Variants in NLE1 observed in about 807,000 individuals in gnomAD.
NLE1 encodes notchless homolog 1, also known as notchless protein homolog 1.
NLE1 carries 37 observed loss-of-function variants against 62.8 expected under a neutral mutation model. The observed-to-expected ratio is 0.59, with a 90% CI of 0.45 to 0.78. The LOEUF (loss-of-function observed/expected upper bound fraction) is 0.78, where lower values mean the gene tolerates loss of function less well. Ranked by LOEUF, NLE1 falls within the 30% of genes least tolerant of loss-of-function variation. The pLI is 0.00. For missense variants in NLE1, 555 were observed against 637.9 expected, an observed-to-expected ratio of 0.87 and a Z score of 1.40; for synonymous variants, 243 against 253.0, an observed-to-expected ratio of 0.96 and a Z score of 0.37.
Position 35,133,503 on chromosome 17 carries a change from T to C in NLE1, c.1215-5A>G. ...CCGCGTAGGGAAGCCAGGTACCTGG[T>C]CCAGGAGAAGACGATGATGGATTTT... On this transcript the variant is annotated splice_polypyrimidine_tract_variant and splice_region_variant and intron_variant, in intron 10 of 12. Transcript: ENST00000442241. 6.2e-7 allele frequency: 1 copy of C among 1,608,508 alleles called. No individual in the cohort carries two copies. The highest frequency in any genetic ancestry group is 1.7e-4 in the Middle Eastern group (1 of 6,058).
chr17:35,140,194 C>A (rs1460149423), intron 2 of NLE1, 128 bp from the exon 3 acceptor site: 1 of 899,274 alleles, frequency 1.1e-6, no homozygotes, highest in Non-Finnish European at 1.7e-6. Flanking sequence ...TAGGGATACC[C>A]CCATCATTGC....
chr17:35,131,812 C>A lies in NLE1; in HGVS notation c.*625G>T, dbSNP rs948984081. The A allele has an allele frequency of 7.9e-5, 12 of 152,358 alleles. No homozygotes were observed. The highest frequency in any genetic ancestry group is 7.9e-4 in the Admixed American group (12 of 15,286). The allele number at this position is 152,358 out of a possible 1,614,324, so 9.4% of individuals were successfully genotyped here. On this transcript the variant is annotated 3_prime_UTR_variant, in exon 13 of 13. Coordinates refer to ENST00000442241, the MANE Select transcript of NLE1 (RefSeq NM_018096.5). Reference sequence around the variant, plus strand: ...CCAGTGCGATGGAGGAACTGCACTTCTATTTCATGCCAGCAGTCACATGTG... The same window carrying A: ...CCAGTGCGATGGAGGAACTGCACTTATATTTCATGCCAGCAGTCACATGTG...
Position 35,133,351 on chromosome 17 carries a change from G to T in NLE1, c.1362C>A (p.Gly454=). 1 of 1,614,176 alleles carries T rather than the reference G, an allele frequency of 6.2e-7. No individual in the cohort carries two copies. Among genetic ancestry groups the T allele is most frequent in the Non-Finnish European group, 8.5e-7 (1 of 1,180,034 alleles). Residue 454 remains glycine (G), a synonymous_variant, in exon 11 of 13, where the codon GGC becomes GGA. Transcript: ENST00000442241. Reference sequence around the variant, plus strand: ...GGGTTGGCCCTACCTCATCCGCGTGGCCGGGCAGGTCCATGGCCAGCTTCT... The same window carrying T: ...GGGTTGGCCCTACCTCATCCGCGTGTCCGGGCAGGTCCATGGCCAGCTTCT... The part of the protein sequence containing the change: ...KAQKLAMDLP[G]HADEVYAVDW...
Position 35,139,753 on chromosome 17 carries a change from G to C in NLE1, c.380+96C>G, listed in dbSNP as rs1242279609. The C allele has an allele frequency of 2.0e-6, 3 of 1,520,772 alleles. No individual in the cohort carries two copies. In the East Asian group the frequency reaches 6.8e-5, roughly 35 times the overall value. The allele number at this position is 1,520,772 out of a possible 1,614,324, so 94.2% of individuals were successfully genotyped here. On this transcript the variant is annotated intron_variant, in intron 3 of 12. Transcript: ENST00000442241. Reference sequence around the variant, plus strand: ...GCTTGGGTCTATGGTAGGCAGCCCTGAGGCCCCATCAATTATAACTCTGGG... The same window carrying C: ...GCTTGGGTCTATGGTAGGCAGCCCTCAGGCCCCATCAATTATAACTCTGGG...
Position 35,140,008 on chromosome 17 carries a change from C to T in NLE1, c.221G>A (p.Gly74Glu), listed in dbSNP as rs911265857. Residue 74 changes from glycine (G) to glutamate (E), a missense_variant, in exon 3 of 13, where the codon GGG becomes GAG. Transcript: ENST00000442241. ...VHDAEIVSSL[G>E]KTLESQAVET... is the part of the protein sequence containing the mutation. ...CACTGCCTGGGACTCCAACGTCTTC[C>T]CCAGTGAGGAGACGATCTCAGCATC... 7.4e-6 allele frequency: 12 copies of T among 1,613,886 alleles called. No homozygotes were observed. Among genetic ancestry groups the T allele is most frequent in the East Asian group, 2.2e-5 (1 of 44,886 alleles).
chr17:35,136,961 C>A, intron 7 of NLE1, 40 bp downstream of exon 7: 5 of 1,536,922 alleles, frequency 3.3e-6, no homozygotes, highest in Non-Finnish European at 4.4e-6. Flanking sequence ...TTGTGACTTG[C>A]GATTTTCTGG....
rs2091907874 is a variant in NLE1, at chr17:35,136,233, A to G, written c.965-18T>C. ...CTCCTGCACTGTGACCAGGTACCGG[A>G]GGGGAGAAAAGGAGATGAGGAAGAA... On this transcript the variant is annotated intron_variant, in intron 8 of 12. Coordinates refer to ENST00000442241, the MANE Select transcript of NLE1 (RefSeq NM_018096.5). 1 of 1,613,912 alleles carries G rather than the reference A, an allele frequency of 6.2e-7. No homozygotes were observed. The highest frequency in any genetic ancestry group is 8.5e-7 in the Non-Finnish European group (1 of 1,179,844).
Position 35,129,555 on chromosome 17 carries a change from G to A in NLE1, c.*2882C>T. The stretch of plus-strand genomic sequence containing the variant: ...CCATGGATCTTCAACAAGATTTTGG[G>A]CACTACTGTCAAGCTGATGGAGCTA... On this transcript the variant is annotated 3_prime_UTR_variant, in exon 13 of 13. Coordinates refer to ENST00000442241, the MANE Select transcript of NLE1 (RefSeq NM_018096.5). The A allele has an allele frequency of 1.2e-6, 2 of 1,614,166 alleles. No homozygotes were observed. Among genetic ancestry groups the A allele is most frequent in the Non-Finnish European group, 1.7e-6 (2 of 1,180,032 alleles).
Position 35,129,284 on chromosome 17 carries a change from G to A in NLE1, c.*3153C>T. The A allele has an allele frequency of 9.1e-7, 1 of 1,098,148 alleles. No individual in the cohort carries two copies. Among genetic ancestry groups the A allele is most frequent in the Non-Finnish European group, 1.3e-6 (1 of 757,706 alleles). The allele number at this position is 1,098,148 out of a possible 1,614,324, so 68.0% of individuals were successfully genotyped here. On this transcript the variant is annotated 3_prime_UTR_variant, in exon 13 of 13. Transcript: ENST00000442241. ...TCCACACTCAGTGCTGCAGTACCTT[G>A]CACCTTCCATCTGACCTGCCTGGGC...
At position 35,131,122 on chromosome 17, in the gene NLE1, C is replaced by A. The variant is rs975134385; in HGVS notation, c.*1315G>T. 1 of 152,156 alleles carries A rather than the reference C, an allele frequency of 6.6e-6. No individual in the cohort carries two copies. Among genetic ancestry groups the A allele is most frequent in the African/African-American group, 2.4e-5 (1 of 41,408 alleles). 9.4% of individuals were successfully genotyped at this position (152,156 alleles called of 1,614,324 possible). A position where few individuals can be genotyped will look rare whatever the true frequency, so the allele number is the denominator to read the frequency against. ...GGGCTAATCATTTCTTATGTTGTTTCCTCATCAAAAGTTTTGGAGCTTGAG... is the reference window on the plus strand; with the variant it reads ...GGGCTAATCATTTCTTATGTTGTTTACTCATCAAAAGTTTTGGAGCTTGAG... On this transcript the variant is annotated 3_prime_UTR_variant, in exon 13 of 13. Coordinates refer to ENST00000442241, the MANE Select transcript of NLE1 (RefSeq NM_018096.5).
Position 35,139,343 on chromosome 17 carries a change from T to G in NLE1, c.381-29A>C, listed in dbSNP as rs372250373. The G allele has an allele frequency of 3.2e-6, 5 of 1,563,594 alleles. No individual in the cohort carries two copies. In the Admixed American group the frequency reaches 5.0e-5, roughly 16 times the overall value. ...GGGAAGAAGAGAGGATGCTTGACAC[T>G]GCACATGTGCATTTGTGCCACCTAT... On this transcript the variant is annotated intron_variant, in intron 3 of 12. Coordinates refer to ENST00000442241, the MANE Select transcript of NLE1 (RefSeq NM_018096.5).
In NLE1 at chr17:35,130,423, T is replaced by C; in HGVS notation, c.*2014A>G. Reference sequence around the variant, plus strand: ...GAGGCTGGAGGATCTGGAATACCTATTTCCCTGTTAAGGGGGAGGGCCCCA... The same window carrying C: ...GAGGCTGGAGGATCTGGAATACCTACTTCCCTGTTAAGGGGGAGGGCCCCA... On this transcript the variant is annotated 3_prime_UTR_variant, in exon 13 of 13. Transcript: ENST00000442241. 1 of 1,613,838 alleles carries C rather than the reference T, an allele frequency of 6.2e-7. No homozygotes were observed. The highest frequency in any genetic ancestry group is 1.3e-5 in the African/African-American group (1 of 75,016).
Position 35,137,161 on chromosome 17 carries a change from G to C in NLE1, c.668C>G (p.Ser223Cys), listed in dbSNP as rs1158377464. 1 of 1,611,450 alleles carries C rather than the reference G, an allele frequency of 6.2e-7. No homozygotes were observed. Among genetic ancestry groups the C allele is most frequent in the Non-Finnish European group, 8.5e-7 (1 of 1,178,054 alleles). Residue 223 changes from serine (S) to cysteine (C), a missense_variant, in exon 7 of 13, where the codon TCC becomes TGC. Ser to Cys is a moderately radical substitution (Grantham distance 112). Transcript: ENST00000442241. ...CCAGATCCGCACACTGCCATCCTTGGAGCTGCTGGCCACATAGCGGCACTC... is the reference window on the plus strand; with the variant it reads ...CCAGATCCGCACACTGCCATCCTTGCAGCTGCTGGCCACATAGCGGCACTC... ...NPECRYVASS[S>C]KDGSVRIWDT... is the part of the protein sequence containing the mutation.
At position 35,129,763 on chromosome 17, in the gene NLE1, G is replaced by A; in HGVS notation, c.*2674C>T. ...ACCCCTATGCCCACATGACTCATCT[G>A]GCTAGCTTTCCTTCTGCCTGGGTCA... On this transcript the variant is annotated 3_prime_UTR_variant, in exon 13 of 13. Coordinates refer to ENST00000442241, the MANE Select transcript of NLE1 (RefSeq NM_018096.5). The A allele has an allele frequency of 6.7e-7, 1 of 1,482,126 alleles. No individual in the cohort carries two copies. Among genetic ancestry groups the A allele is most frequent in the Non-Finnish European group, 8.9e-7 (1 of 1,117,540 alleles). The allele number at this position is 1,482,126 out of a possible 1,614,324, so 91.8% of individuals were successfully genotyped here. A position where few individuals can be genotyped will look rare whatever the true frequency, so the allele number is the denominator to read the frequency against.
At position 35,136,183 on chromosome 17, in the gene NLE1, A is replaced by G. The variant is rs754298790; in HGVS notation, c.997T>C (p.Tyr333His). The change falls in exon 9 of 13, where the codon TAC (tyrosine) becomes CAC (histidine). Residue 333 changes from tyrosine to histidine, a missense_variant. Physicochemically the swap from Tyr to His is moderately conservative, Grantham distance 83. Transcript: ENST00000442241. ...CACACACTCACCCGCACGAGGTTGTATCGGCTCAGAGCCCTCTCCTTCAAC... is the reference window on the plus strand; with the variant it reads ...CACACACTCACCCGCACGAGGTTGTGTCGGCTCAGAGCCCTCTCCTTCAAC... ...QELKERALSR[Y>H]NLVRGQGPER... 6.8e-6 allele frequency: 11 copies of G among 1,614,196 alleles called. No individual in the cohort carries two copies. Among genetic ancestry groups the G allele is most frequent in the Non-Finnish European group, 9.3e-6 (11 of 1,180,014 alleles).
chr17:35,141,595 C>CA (rs2142511849), intron 2 of NLE1, among the ~76,000 whole-genome samples: 1 of 148,770 alleles, frequency 6.7e-6, no homozygotes, highest in African/African-American at 2.5e-5. Context: ...TAAATAAAAG[C>CA]ATGGGTATTC....
At position 35,130,118 on chromosome 17, in the gene NLE1, G is replaced by C. The variant is rs911218829; in HGVS notation, c.*2319C>G. The C allele has an allele frequency of 1.4e-6, 2 of 1,439,508 alleles. No homozygotes were observed. The highest frequency in any genetic ancestry group is 1.4e-5 in the African/African-American group (1 of 69,820). The allele number at this position is 1,439,508 out of a possible 1,614,324, so 89.2% of individuals were successfully genotyped here. A position where few individuals can be genotyped will look rare whatever the true frequency, so the allele number is the denominator to read the frequency against. On this transcript the variant is annotated 3_prime_UTR_variant, in exon 13 of 13. Transcript: ENST00000442241. Reference sequence around the variant, plus strand: ...TCCCATAATGAGGAGGTACAGGCTTGAGTCATGCATCTTTGCACCTGTTTC... The same window carrying C: ...TCCCATAATGAGGAGGTACAGGCTTCAGTCATGCATCTTTGCACCTGTTTC...
chr17:35,139,352 G>C (rs759973266), intron 3 of NLE1, 38 bp from the exon 4 acceptor site: 1 of 1,517,104 alleles, frequency 6.6e-7, no homozygotes, highest in Admixed American at 1.7e-5. Flanking sequence ...CTGCACATGT[G>C]CATTTGTGCC....
intron 2 of NLE1, among the ~76,000 whole-genome samples, chr17:35,141,777 C>A (rs933765657): frequency 6.6e-6 from 1 of 152,210 alleles, no homozygotes; most frequent in East Asian, 1.9e-4. Flanking sequence ...AGCTAGGCCC[C>A]TCTCCGCAGG....
Sources: allele counts gnomAD v4.1 joint callset (sites outside exome capture counted in the v4.1 genomes callset), GRCh38; gene constraint gnomAD v4.1.1; transcripts MANE v1.5; gene names NCBI Gene and HGNC (gene_info 2026-07-23, HGNC 2026-07-21).